MALRD1: variants seen among roughly 807,000 people sequenced by gnomAD.
MALRD1 encodes MAM and LDL receptor class A domain containing 1.
MALRD1 carries 247 observed loss-of-function variants against 242.1 expected under a neutral mutation model. The ratio of observed to expected loss-of-function variants is 1.02; its 90% CI spans 0.92 to 1.13. The LOEUF is 1.13. MALRD1 is among the 50% of genes most tolerant of loss of function. The pLI is 0.00. For missense variants in MALRD1, 2,989 were observed against 2,533.1 expected, an observed-to-expected ratio of 1.18 and a Z score of -3.86; for synonymous variants, 995 against 866.6, an observed-to-expected ratio of 1.15 and a Z score of -2.60.
intron 26 of MALRD1, among the ~76,000 whole-genome samples, chr10:19,386,249 C>G (rs557240135): frequency 6.6e-6 from 1 of 152,040 alleles, no homozygotes. Context: ...CCCAGAAAAC[C>G]TTATAATAAA....
Position 19,441,399 on chromosome 10 carries a change from T to C in MALRD1, c.4846-8908T>C, listed in dbSNP as rs186429740. Among the ~76,000 whole-genome samples the C allele has an allele frequency of 2.5e-3, 386 of 152,288 alleles. 3 individuals carry two copies. Among genetic ancestry groups the C allele is most frequent in the African/African-American group, 7.8e-3 (324 of 41,580 alleles). On this transcript the variant is annotated intron_variant, in intron 28 of 39. Transcript: ENST00000454679. ...GTTGCCATTGTTTTTGGTGTTTTAG[T>C]CATGAAGTCCTTTCCCATGCCTATG... is the stretch of plus-strand genomic sequence containing the variant.
chr10:19,707,069 C>G (rs567039426), intron 38 of MALRD1, among the ~76,000 whole-genome samples: 1 of 150,330 alleles, frequency 6.7e-6, no homozygotes, highest in African/African-American at 2.4e-5. Context: ...CTCCTTTCTT[C>G]TACTTCTCCC....
intron 14 of MALRD1, among the ~76,000 whole-genome samples, chr10:19,193,616 T>C (rs775866603): frequency 2.6e-5 from 4 of 152,156 alleles, no homozygotes; most frequent in African/African-American, 4.8e-5. Context: ...GGAATATTAA[T>C]GCAATTGCAC....
chr10:19,177,153 A>T (rs1045695715), intron 14 of MALRD1, among the ~76,000 whole-genome samples: 1 of 151,608 alleles, frequency 6.6e-6, no homozygotes, highest in Non-Finnish European at 1.5e-5. Context: ...GGTGGCGGGC[A>T]CCTGTAGTCC....
Position 19,287,883 on chromosome 10 carries a change from A to C in MALRD1, c.3419+4702A>C, listed in dbSNP as rs1360298050. Among the ~76,000 whole-genome samples the C allele has an allele frequency of 3.3e-5, 5 of 152,094 alleles. No homozygotes were observed. In the East Asian group the frequency reaches 9.6e-4, roughly 29 times the overall value. ...GACTTGTTTATAGGGAGCAGAATCT[A>C]AGACATAGGTGGAATTATTAATTTT... On this transcript the variant is annotated intron_variant, in intron 21 of 39. Transcript: ENST00000454679.
At chr10:19,353,784 G>A (rs1306592437) in intron 26 of MALRD1, among the ~76,000 whole-genome samples, 1 of 152,150 alleles carries the variant, frequency 6.6e-6, no homozygotes, top group East Asian at 1.9e-4. Flanking sequence ...TATAAGTCTG[G>A]TCCTTTGAAG....
At chr10:19,162,640 C>A (rs1834483532) in intron 12 of MALRD1, among the ~76,000 whole-genome samples, 1 of 151,974 alleles carries the variant, frequency 6.6e-6, no homozygotes, top group African/African-American at 2.4e-5. Flanking sequence ...GTCAGAATGG[C>A]CATTATTAAA....
At chr10:19,369,330 A>T (rs1845263662) in intron 26 of MALRD1, among the ~76,000 whole-genome samples, 1 of 146,958 alleles carries the variant, frequency 6.8e-6, no homozygotes. Flanking sequence ...AAATATATAA[A>T]TATAAAATAT....
chr10:19,448,978 GATTTAAGCTTT>G (rs1835158263), intron 28 of MALRD1, among the ~76,000 whole-genome samples: 1 of 152,046 alleles, frequency 6.6e-6, no homozygotes, highest in Non-Finnish European at 1.5e-5. Flanking sequence ...CTCTGTCAGT[GATTTAAGCTTT>G]TTGTAAGAAG....
chr10:19,289,693 G>A (rs904386812), intron 21 of MALRD1, among the ~76,000 whole-genome samples: 5 of 152,132 alleles, frequency 3.3e-5, no homozygotes, highest in Admixed American at 3.3e-4. Context: ...CTCATAGTAA[G>A]ATTCTAAGTT....
intron 10 of MALRD1, among the ~76,000 whole-genome samples, chr10:19,138,968 A>G (rs556744545): frequency 1.6e-4 from 24 of 152,278 alleles, no homozygotes; most frequent in Admixed American, 1.2e-3. Context: ...AGTGTTACTT[A>G]TTAGTCTTTT....
chr10:19,141,648 G>A (rs1189162417), intron 10 of MALRD1, among the ~76,000 whole-genome samples: 2 of 151,782 alleles, frequency 1.3e-5, no homozygotes, highest in African/African-American at 2.4e-5. Context: ...CTGTGTTCCA[G>A]AAAAGTTGGC....
chr10:19,697,057 A>T (rs553818928), intron 38 of MALRD1, among the ~76,000 whole-genome samples: 1 of 152,344 alleles, frequency 6.6e-6, no homozygotes, highest in African/African-American at 2.4e-5. Context: ...AGAAGCAGAT[A>T]CATAAACCAC....
chr10:19,391,162 G>C (rs1442822350), intron 28 of MALRD1, among the ~76,000 whole-genome samples: 1 of 152,074 alleles, frequency 6.6e-6, no homozygotes, highest in African/African-American at 2.4e-5. Flanking sequence ...AATTCCTGTG[G>C]TTCCTCTAAT....
chr10:19,683,865 C>G (rs1434174920), intron 36 of MALRD1, among the ~76,000 whole-genome samples: 1 of 152,108 alleles, frequency 6.6e-6, no homozygotes, highest in African/African-American at 2.4e-5. Context: ...CACATATCAA[C>G]CCATCATCTG....
intron 33 of MALRD1, among the ~76,000 whole-genome samples, chr10:19,585,511 C>A (rs1205297756): frequency 6.6e-6 from 1 of 152,078 alleles, no homozygotes; most frequent in Non-Finnish European, 1.5e-5. Flanking sequence ...ATATGAAATT[C>A]TGGGTTGAAA....
At chr10:19,520,355 T>C (rs1833824278) in intron 31 of MALRD1, among the ~76,000 whole-genome samples, 1 of 152,214 alleles carries the variant, frequency 6.6e-6, no homozygotes, top group Non-Finnish European at 1.5e-5. Context: ...CATTGCATTT[T>C]GTCTACCAAT....
chr10:19,604,294 G>T (rs1316881480), intron 34 of MALRD1, among the ~76,000 whole-genome samples: 1 of 152,162 alleles, frequency 6.6e-6, no homozygotes, highest in Non-Finnish European at 1.5e-5. Context: ...AGGGTTAGAA[G>T]ACAAGAATAG....
chr10:19,503,677 C>G (rs76828341), intron 31 of MALRD1, among the ~76,000 whole-genome samples: 1 of 152,176 alleles, frequency 6.6e-6, no homozygotes, highest in Non-Finnish European at 1.5e-5. Flanking sequence ...TCGGCCATCT[C>G]CACAATTAGA....
Sources: allele counts gnomAD v4.1 joint callset (sites outside exome capture counted in the v4.1 genomes callset), GRCh38; gene constraint gnomAD v4.1.1; transcripts MANE v1.5; gene names NCBI Gene and HGNC (gene_info 2026-07-23, HGNC 2026-07-21).